SLC22A16: variants seen among roughly 807,000 people sequenced by gnomAD.
The protein encoded by SLC22A16 is solute carrier family 22 member 16, also known as WUGSC:RG331P03.1.
Under a neutral mutation model 52.9 loss-of-function variants are expected in SLC22A16, and 53 were observed. The ratio of observed to expected loss-of-function variants is 1.00; its 90% CI spans 0.80 to 1.26. The LOEUF (loss-of-function observed/expected upper bound fraction) is 1.26, where lower values mean the gene tolerates loss of function less well. Among genes scored for constraint, SLC22A16 ranks in the 50% most tolerant of loss-of-function variants. SLC22A16 has a pLI of 0.00. For missense variants in SLC22A16, 726 were observed against 704.0 expected (o/e 1.03, Z -0.35); for synonymous variants, 291 against 268.8 (o/e 1.08, Z -0.81).
At chr6:110,452,239 G>A (rs1009339270) in intron 2 of SLC22A16, among the ~76,000 whole-genome samples, 2 of 151,950 alleles carry the variant, frequency 1.3e-5, no homozygotes, top group Non-Finnish European at 1.5e-5. Context: ...TTAGGTTTCT[G>A]CAATGACATT....
chr6:110,438,544 A>G (rs183283134), intron 5 of SLC22A16, among the ~76,000 whole-genome samples, 176 bp downstream of exon 5: 45 of 151,142 alleles, frequency 3.0e-4, no homozygotes, highest in Admixed American at 2.2e-3. Context: ...TAAAATGAAC[A>G]TATATTACTT....
At chr6:110,457,064 AAAAG>A in intron 1 of SLC22A16, 47 bp from the exon 2 acceptor site, 1 of 1,496,756 alleles carries the variant, frequency 6.7e-7, no homozygotes, top group East Asian at 2.3e-5. Context: ...TATAGGCTGA[AAAAG>A]AACATAAGCA....
At chr6:110,435,568 T>C (rs1257381549) in intron 6 of SLC22A16, among the ~76,000 whole-genome samples, 2 of 152,186 alleles carry the variant, frequency 1.3e-5, no homozygotes, top group Non-Finnish European at 2.9e-5. Context: ...TCCTGAGAAA[T>C]TACCTTTGAG....
intron 1 of SLC22A16, among the ~76,000 whole-genome samples, chr6:110,464,799 T>G (rs1041768918): frequency 6.6e-6 from 1 of 151,966 alleles, no homozygotes; most frequent in South Asian, 2.1e-4. Flanking sequence ...ATGAAACCAG[T>G]ATCATAATGA....
At chr6:110,432,301 A>AT (rs1002612887) in intron 6 of SLC22A16, among the ~76,000 whole-genome samples, 2 of 152,164 alleles carry the variant, frequency 1.3e-5, no homozygotes, top group African/African-American at 2.4e-5. Context: ...TACATATTGG[A>AT]TTTTTTTGAG....
At chr6:110,438,936 G>C in intron 4 of SLC22A16, 89 bp from the exon 5 acceptor site, 1 of 1,521,298 alleles carries the variant, frequency 6.6e-7, no homozygotes, top group East Asian at 2.3e-5. Context: ...CAAAAGGCAT[G>C]AGCAGCCCTC....
At position 110,454,650 on chromosome 6, in the gene SLC22A16, A is replaced by G. The variant is rs1285418625; in HGVS notation, c.533+1888T>C. Among the ~76,000 whole-genome samples the G allele has an allele frequency of 7.7e-4, 35 of 45,632 alleles. 6 individuals are homozygous for G. Among genetic ancestry groups the G allele is most frequent in the African/African-American group, 4.3e-3 (33 of 7,662 alleles). 29.9% of individuals were successfully genotyped at this position (45,632 alleles called of 152,430 possible). On this transcript the variant is annotated intron_variant, in intron 2 of 7. Transcript: ENST00000368919. ...TATATTTATATATATTATATATTTT[A>G]TATATATTATATATATTTATATATA...
chr6:110,476,499 G>GTCCCCA, intron 1 of SLC22A16, 23 bp downstream of exon 1: 1 of 369,748 alleles, frequency 2.7e-6, no homozygotes, highest in Non-Finnish European at 4.4e-6. Flanking sequence ...CCCGCGTGGC[G>GTCCCCA]CCGCGGGGCC....
rs200092524 is a variant in SLC22A16 at position 110,434,985 on chromosome 6, G to GA, written c.1421+866dup. The stretch of plus-strand genomic sequence containing the variant: ...AGAATGAGACTCCATCTCGAAAAAA[G>GA]AAAAAAAAATCCCCAGTGTCATTCT... On this transcript the variant is annotated intron_variant, in intron 6 of 7. Transcript: ENST00000368919. Among the ~76,000 whole-genome samples the GA allele has an allele frequency of 2.1e-3, 319 of 150,486 alleles. 3 individuals are homozygous for GA. Among genetic ancestry groups the GA allele is most frequent in the African/African-American group, 7.3e-3 (302 of 41,096 alleles).
intron 5 of SLC22A16, 55 bp downstream of exon 5, chr6:110,438,665 T>C (rs1345402497): frequency 7.7e-6 from 12 of 1,564,222 alleles, no homozygotes; most frequent in Non-Finnish European, 1.0e-5. Flanking sequence ...AGCTAAATTC[T>C]TCCCATCAAA....
chr6:110,466,911 T>TGATAGATA (rs3045569), intron 1 of SLC22A16, among the ~76,000 whole-genome samples: 12,227 of 140,520 alleles, frequency 0.087, 629 homozygotes, highest in East Asian at 0.12. Flanking sequence ...AAAGAAAATG[T>TGATAGATA]GATAGATAGA....
Position 110,424,839 on chromosome 6 carries a change from A to T in SLC22A16, c.*34T>A, listed in dbSNP as rs866516850. 6.2e-7 allele frequency: 1 copy of T among 1,612,734 alleles called. No individual in the cohort carries two copies. The highest frequency in any genetic ancestry group is 2.2e-5 in the East Asian group (1 of 44,874). On this transcript the variant is annotated 3_prime_UTR_variant, in exon 8 of 8. Coordinates refer to ENST00000368919, the MANE Select transcript of SLC22A16 (RefSeq NM_033125.4). ...TAATACAAAGGCATTAGGGTAAATA[A>T]TATTTCAGGTGCTAGACAGCAGGCA...
intron 4 of SLC22A16, among the ~76,000 whole-genome samples, chr6:110,439,534 CT>C (rs1196538245): frequency 6.6e-6 from 1 of 152,140 alleles, no homozygotes; most frequent in East Asian, 1.9e-4. Flanking sequence ...AACGACTTCT[CT>C]CATAATTCCT....
chr6:110,460,260 A>G (rs1376987519), intron 1 of SLC22A16, among the ~76,000 whole-genome samples: 1 of 152,114 alleles, frequency 6.6e-6, no homozygotes, highest in Non-Finnish European at 1.5e-5. Flanking sequence ...GAGCCTCTAT[A>G]TTTTTACAAA....
intron 2 of SLC22A16, among the ~76,000 whole-genome samples, chr6:110,453,042 T>C (rs1775445238): frequency 6.6e-6 from 1 of 152,214 alleles, no homozygotes; most frequent in East Asian, 1.9e-4. Flanking sequence ...CATGAATTTT[T>C]TGTAGCTGTG....
Position 110,456,819 on chromosome 6 carries a change from A to C in SLC22A16, c.252T>G (p.Asp84Glu), listed in dbSNP as rs1775677131. 4 of 1,614,082 alleles carry C rather than the reference A, an allele frequency of 2.5e-6. No homozygotes were observed. In the African/African-American group the frequency reaches 5.3e-5, roughly 22 times the overall value. Residue 84 changes from aspartate (D) to glutamate (E), a missense_variant, in exon 2 of 8, where the codon GAT becomes GAG. Coordinates refer to ENST00000368919, the MANE Select transcript of SLC22A16 (RefSeq NM_033125.4). ...TGALLSSGQK[D>E]YVTVQLQNGE... ...CATTCTGCAACTGCACCGTAACATAATCTTTCTGGCCTGAAGACAACAGGG... is the reference window on the plus strand; with the variant it reads ...CATTCTGCAACTGCACCGTAACATACTCTTTCTGGCCTGAAGACAACAGGG...
intron 1 of SLC22A16, among the ~76,000 whole-genome samples, chr6:110,460,768 C>A (rs1173078060): frequency 6.6e-6 from 1 of 152,104 alleles, no homozygotes; most frequent in Non-Finnish European, 1.5e-5. Flanking sequence ...CAGAAACATA[C>A]CCCACAACCA....
chr6:110,446,057 G>A (rs1392410928), intron 3 of SLC22A16, among the ~76,000 whole-genome samples: 3 of 152,094 alleles, frequency 2.0e-5, no homozygotes, highest in Admixed American at 6.5e-5. Flanking sequence ...CTGAGGGGGT[G>A]CAGAGAGATT....
chr6:110,450,193 G>C (rs1273536436), intron 2 of SLC22A16, among the ~76,000 whole-genome samples: 2 of 151,962 alleles, frequency 1.3e-5, no homozygotes, highest in Non-Finnish European at 2.9e-5. Context: ...AAAAAGGAGG[G>C]GGGGGCACAA....
Sources: allele counts gnomAD v4.1 joint callset (sites outside exome capture counted in the v4.1 genomes callset), GRCh38; gene constraint gnomAD v4.1.1; transcripts MANE v1.5; gene names NCBI Gene and HGNC (gene_info 2026-07-23, HGNC 2026-07-21).